Variants in MORN1 observed in about 807,000 individuals in gnomAD.
The protein encoded by MORN1 is MORN repeat containing 1.
Under a neutral mutation model 61.9 loss-of-function variants are expected in MORN1, and 67 were observed. The ratio of observed to expected loss-of-function variants is 1.08; its 90% CI spans 0.89 to 1.33. The LOEUF is 1.33. Among genes scored for constraint, MORN1 ranks in the 40% most tolerant of loss-of-function variants. The pLI, the probability that MORN1 is intolerant of heterozygous loss-of-function variation, is 0.00. For synonymous variants in MORN1, 301 were observed against 292.0 expected, an observed-to-expected ratio of 1.03 and a Z score of -0.31; for missense variants, 752 against 691.2, an observed-to-expected ratio of 1.09 and a Z score of -0.99.
chr1:2,388,127 G>GC (rs1330316018), intron 3 of MORN1, 112 bp downstream of exon 3: 1 of 837,514 alleles, frequency 1.2e-6, no homozygotes, highest in Admixed American at 2.1e-5. Flanking sequence ...GCCTCTCACG[G>GC]CACAAAGCTT....
intron 13 of MORN1, chr1:2,323,081 C>G: frequency 2.0e-6 from 2 of 985,402 alleles, no homozygotes; most frequent in South Asian, 9.4e-5. Context: ...GCACAGGTGC[C>G]AGCGCCTAGC....
chr1:2,364,047 T>C (rs924062831), intron 8 of MORN1, among the ~76,000 whole-genome samples: 5 of 152,118 alleles, frequency 3.3e-5, no homozygotes, highest in African/African-American at 9.7e-5. Flanking sequence ...GACGACGATA[T>C]GCTGTCTACA....
chr1:2,358,362 T>C (rs1452907267), intron 9 of MORN1, among the ~76,000 whole-genome samples: 1 of 152,032 alleles, frequency 6.6e-6, no homozygotes, highest in East Asian at 1.9e-4. Flanking sequence ...TGGGGGAGAC[T>C]AGGGGCTCTG....
At chr1:2,374,340 CA>C in intron 7 of MORN1, 120 bp downstream of exon 7, 1 of 757,034 alleles carries the variant, frequency 1.3e-6, no homozygotes, top group Non-Finnish European at 2.2e-6. Context: ...TTTTATATTC[CA>C]CTTTGCCCCA....
intron 13 of MORN1, among the ~76,000 whole-genome samples, 180 bp from the exon 14 acceptor site, chr1:2,321,759 T>C (rs1460328895): frequency 6.6e-6 from 1 of 152,106 alleles, no homozygotes; most frequent in African/African-American, 2.4e-5. Flanking sequence ...GGACCGGTCC[T>C]GGGGGGCTGG....
intron 12 of MORN1, among the ~76,000 whole-genome samples, chr1:2,329,999 G>A (rs1641116070): frequency 6.6e-6 from 1 of 152,192 alleles, no homozygotes; most frequent in African/African-American, 2.4e-5. Context: ...CTCCGGGTGA[G>A]GGGGGACCCT....
intron 2 of MORN1, 50 bp downstream of exon 2, chr1:2,389,875 C>T (rs763631919): frequency 1.5e-5 from 23 of 1,557,598 alleles, no homozygotes; most frequent in African/African-American, 4.1e-5. Flanking sequence ...AAACTGGTTT[C>T]GTCAGCTGTG....
At chr1:2,348,693 ACACG>A in intron 10 of MORN1, among the ~76,000 whole-genome samples, 1 of 129,756 alleles carries the variant, frequency 7.7e-6, no homozygotes, top group Non-Finnish European at 1.6e-5. Context: ...GCACGCACAC[ACACG>A]CACGCACACG....
At position 2,321,373 on chromosome 1, in the gene MORN1, A is replaced by G; in HGVS notation, c.*10T>C. 1 of 1,494,910 alleles carries G rather than the reference A, an allele frequency of 6.7e-7. No individual in the cohort carries two copies. The highest frequency in any genetic ancestry group is 8.9e-7 in the Non-Finnish European group (1 of 1,121,230). The allele number at this position is 1,494,910 out of a possible 1,614,324, so 92.6% of individuals were successfully genotyped here. ...TTCACACCGAGGTGGCCTCCTGTGG[A>G]CACGGGGCCTCACCGAGGCGCTGGC... On this transcript the variant is annotated 3_prime_UTR_variant, in exon 14 of 14. Transcript: ENST00000378531.
chr1:2,350,590 G>A (rs1553213176), intron 10 of MORN1: 1 of 152,244 alleles, frequency 6.6e-6, no homozygotes, highest in Non-Finnish European at 1.5e-5. Flanking sequence ...TGGCTGGGCT[G>A]AATTTCCAGC....
At chr1:2,322,428 C>T (rs1640902776) in intron 13 of MORN1, 1 of 985,264 alleles carries the variant, frequency 1.0e-6, no homozygotes, top group East Asian at 1.1e-4. Context: ...GAAAACAGCG[C>T]TCCCCTCGCA....
intron 8 of MORN1, among the ~76,000 whole-genome samples, chr1:2,369,179 G>A (rs1365061954): frequency 6.7e-6 from 1 of 148,782 alleles, no homozygotes; most frequent in Non-Finnish European, 1.5e-5. Context: ...GTGAAACCCT[G>A]TCTGTACTAA....
intron 12 of MORN1, among the ~76,000 whole-genome samples, chr1:2,328,684 C>T (rs968976755): frequency 1.4e-4 from 21 of 152,050 alleles, no homozygotes; most frequent in Non-Finnish European, 7.4e-5. Flanking sequence ...ACTGTTGTCA[C>T]CTCCTTAGTA....
intron 13 of MORN1, chr1:2,323,381 G>T: frequency 1.0e-6 from 1 of 985,432 alleles, no homozygotes; most frequent in Non-Finnish European, 1.2e-6. Context: ...TCTCCAGCCA[G>T]AACCCCAGAG....
intron 8 of MORN1, among the ~76,000 whole-genome samples, chr1:2,359,251 G>T (rs750106486): frequency 3.9e-5 from 6 of 152,168 alleles, no homozygotes; most frequent in African/African-American, 7.2e-5. Flanking sequence ...CCGGGGGGAT[G>T]GGCTCCCCCC....
At chr1:2,381,398 C>T (rs772896356) in intron 6 of MORN1, among the ~76,000 whole-genome samples, 1 of 152,206 alleles carries the variant, frequency 6.6e-6, no homozygotes, top group East Asian at 1.9e-4. Context: ...GCAGCGTGGA[C>T]GAGGCCAGGG....
At chr1:2,367,325 GA>G (rs1642018589) in intron 8 of MORN1, among the ~76,000 whole-genome samples, 1 of 123,684 alleles carries the variant, frequency 8.1e-6, no homozygotes, top group African/African-American at 2.9e-5. Context: ...AAAAAAAAAA[GA>G]AAAAGAAAAA....
intron 4 of MORN1, 183 bp from the exon 5 acceptor site, chr1:2,386,080 G>A (rs925051326): frequency 1.3e-5 from 8 of 594,392 alleles, no homozygotes; most frequent in African/African-American, 1.1e-4. Flanking sequence ...GCCTCAGCAC[G>A]GCTCGGTGAG....
chr1:2,326,248 G>A (rs1419880535), intron 12 of MORN1: 2 of 152,210 alleles, frequency 1.3e-5, no homozygotes, highest in Non-Finnish European at 2.9e-5. Context: ...GGGAGAACAG[G>A]CTTTGCCGGA....
Sources: allele counts gnomAD v4.1 joint callset (sites outside exome capture counted in the v4.1 genomes callset), GRCh38; gene constraint gnomAD v4.1.1; transcripts MANE v1.5; gene names NCBI Gene and HGNC (gene_info 2026-07-23, HGNC 2026-07-21).